RAPGEF1: variants seen among roughly 807,000 people sequenced by gnomAD.
RAPGEF1 encodes CRK SH3-binding GNRP.
A neutral mutation model predicts 143.3 loss-of-function variants in RAPGEF1; 33 were observed. That is an observed-to-expected ratio of 0.23 (90% CI 0.17 to 0.31). The LOEUF is 0.31. RAPGEF1 is among the 10% of genes least tolerant of loss of function. The probability of loss-of-function intolerance (pLI) is 1.00; values close to 1 mark genes in which losing one functional copy is unlikely to be tolerated. For synonymous variants in RAPGEF1, 629 were observed against 676.5 expected, an observed-to-expected ratio of 0.93 and a Z score of 1.09; for missense variants, 1,199 against 1,645.4, an observed-to-expected ratio of 0.73 and a Z score of 4.69.
intron 12 of RAPGEF1, among the ~76,000 whole-genome samples, chr9:131,606,247 G>C (rs1290852004): frequency 6.6e-6 from 1 of 152,190 alleles, no homozygotes; most frequent in African/African-American, 2.4e-5. Context: ...TGCTGAAGGA[G>C]GGACAGAGGT....
intron 1 of RAPGEF1, among the ~76,000 whole-genome samples, chr9:131,697,979 A>G (rs1037017374): frequency 1.3e-5 from 2 of 152,150 alleles, no homozygotes; most frequent in East Asian, 3.9e-4. Flanking sequence ...GTGAAGGGGA[A>G]CATGTGTGAC....
chr9:131,678,658 G>T (rs1164860165), intron 1 of RAPGEF1, among the ~76,000 whole-genome samples: 1 of 152,198 alleles, frequency 6.6e-6, no homozygotes, highest in Non-Finnish European at 1.5e-5. Context: ...AATGTTTGCA[G>T]CTCAGAGCGG....
In RAPGEF1 at chr9:131,729,514, G is replaced by A. The variant is rs868237477; in HGVS notation, c.61+10256C>T. 2.0e-5 allele frequency among the ~76,000 whole-genome samples: 3 copies of A among 152,346 alleles called. No individual in the cohort carries two copies. The South Asian group carries it at 6.2e-4, about 32-fold the overall frequency. ...CCAGGGGCTTCTTCATAAATCTGTA[G>A]GCAGATGTGGTGCCACCTTAACAGT... is the stretch of plus-strand genomic sequence containing the variant. On this transcript the variant is annotated intron_variant, in intron 1 of 26. Transcript: ENST00000683357.
intron 1 of RAPGEF1, among the ~76,000 whole-genome samples, chr9:131,714,704 CCTTTT>C (rs1835738198): frequency 9.3e-6 from 1 of 107,572 alleles, no homozygotes; most frequent in Non-Finnish European, 1.8e-5. Flanking sequence ...CTAGACTCTG[CCTTTT>C]TTTTTTTTTT....
At chr9:131,684,100 C>T (rs1833139176) in intron 1 of RAPGEF1, among the ~76,000 whole-genome samples, 1 of 152,250 alleles carries the variant, frequency 6.6e-6, no homozygotes, top group Admixed American at 6.5e-5. Flanking sequence ...TGGAAAGAAG[C>T]TAAAGCTATT....
chr9:131,588,075 G>C (rs770970168), intron 20 of RAPGEF1, 49 bp from the exon 21 acceptor site: 9 of 1,501,174 alleles, frequency 6.0e-6, no homozygotes, highest in Admixed American at 1.8e-5. Context: ...GGAGGCCGGT[G>C]GGGAGGGCTG....
At chr9:131,703,291 T>C (rs1218354703) in intron 1 of RAPGEF1, among the ~76,000 whole-genome samples, 2 of 152,254 alleles carry the variant, frequency 1.3e-5, no homozygotes, top group Non-Finnish European at 2.9e-5. Context: ...TGAGCCATCA[T>C]GCCCGGTCAT....
chr9:131,652,818 T>A (rs975121189), intron 1 of RAPGEF1, among the ~76,000 whole-genome samples: 1 of 152,176 alleles, frequency 6.6e-6, no homozygotes, highest in African/African-American at 2.4e-5. Flanking sequence ...GTAGAGTAAA[T>A]CCATAAACCA....
At chr9:131,683,864 T>C (rs1833116198) in intron 1 of RAPGEF1, among the ~76,000 whole-genome samples, 1 of 152,248 alleles carries the variant, frequency 6.6e-6, no homozygotes, top group African/African-American at 2.4e-5. Flanking sequence ...TTCATACAGA[T>C]GAACAACTGA....
chr9:131,700,291 C>T (rs572164018), intron 1 of RAPGEF1, among the ~76,000 whole-genome samples: 2 of 152,282 alleles, frequency 1.3e-5, no homozygotes, highest in South Asian at 2.1e-4. Flanking sequence ...TTTTCCGGAG[C>T]GCGCCTGCCC....
At chr9:131,695,363 C>T (rs374692610) in intron 1 of RAPGEF1, among the ~76,000 whole-genome samples, 2 of 152,146 alleles carry the variant, frequency 1.3e-5, no homozygotes, top group East Asian at 3.8e-4. Context: ...CAAAGCAGGC[C>T]ACACGATAGA....
At chr9:131,668,328 G>T (rs1220695295) in intron 1 of RAPGEF1, among the ~76,000 whole-genome samples, 1 of 152,140 alleles carries the variant, frequency 6.6e-6, no homozygotes, top group African/African-American at 2.4e-5. Flanking sequence ...CTTCCTCTCA[G>T]AAATTTTTAA....
Position 131,650,018 on chromosome 9 carries a change from C to A in RAPGEF1, c.315+111G>T. The A allele has an allele frequency of 1.2e-6, 1 of 830,170 alleles. No homozygotes were observed. The highest frequency in any genetic ancestry group is 1.9e-6 in the Non-Finnish European group (1 of 532,816). The allele number at this position is 830,170 out of a possible 1,614,324, so 51.4% of individuals were successfully genotyped here. A position where few individuals can be genotyped will look rare whatever the true frequency, so the allele number is the denominator to read the frequency against. On this transcript the variant is annotated intron_variant, in intron 3 of 26. Coordinates refer to ENST00000683357, the MANE Select transcript of RAPGEF1 (RefSeq NM_001377935.1). This position sits in a 1 kb window ranked among gnomAD's most constrained non-coding sequence, Gnocchi z 4.7. The stretch of plus-strand genomic sequence containing the variant: ...AACAATTCAGCCCACGGTCACCACC[C>A]AGTTGAACATAATAATAGTGCAATA...
rs550810208 is a variant in RAPGEF1 at position 131,675,868 on chromosome 9, G to T, written c.62-24919C>A. ...AGGTGCAAAGTCACAGCATGATTGGGAAACAGCCTGAACTCGAACTGCTCA... is the reference window on the plus strand; with the variant it reads ...AGGTGCAAAGTCACAGCATGATTGGTAAACAGCCTGAACTCGAACTGCTCA... On this transcript the variant is annotated intron_variant, in intron 1 of 26. Coordinates refer to ENST00000683357, the MANE Select transcript of RAPGEF1 (RefSeq NM_001377935.1). This position sits in a 1 kb window ranked among gnomAD's most constrained non-coding sequence, Gnocchi z 4.6. 6.6e-6 allele frequency among the ~76,000 whole-genome samples: 1 copy of T among 152,164 alleles called. No individual in the cohort carries two copies. Among genetic ancestry groups the T allele is most frequent in the African/African-American group, 2.4e-5 (1 of 41,526 alleles).
intron 3 of RAPGEF1, among the ~76,000 whole-genome samples, chr9:131,645,393 C>G (rs1455770049): frequency 6.6e-6 from 1 of 152,202 alleles, no homozygotes; most frequent in East Asian, 1.9e-4. Flanking sequence ...AGTGGCTAAT[C>G]TGAAGATGGG....
intron 22 of RAPGEF1, among the ~76,000 whole-genome samples, chr9:131,586,484 TCAAACACA>T (rs1477111762): frequency 2.6e-5 from 1 of 39,194 alleles, no homozygotes; most frequent in Non-Finnish European, 4.5e-5. Context: ...AGACTCCGTC[TCAAACACA>T]CACACACACA....
At chr9:131,588,233 T>G (rs1953530766) in intron 20 of RAPGEF1, among the ~76,000 whole-genome samples, 1 of 152,214 alleles carries the variant, frequency 6.6e-6, no homozygotes, top group Non-Finnish European at 1.5e-5. Context: ...TGCCTTTCTC[T>G]CCTGCTTCTG....
intron 4 of RAPGEF1, among the ~76,000 whole-genome samples, chr9:131,640,194 G>A (rs983331476): frequency 6.6e-6 from 1 of 152,262 alleles, no homozygotes; most frequent in Non-Finnish European, 1.5e-5. Flanking sequence ...ATCTGATCCT[G>A]CAGGGGAATG....
At chr9:131,613,131 CAT>C (rs1564524318) in intron 12 of RAPGEF1, among the ~76,000 whole-genome samples, 1 of 152,224 alleles carries the variant, frequency 6.6e-6, no homozygotes, top group Non-Finnish European at 1.5e-5. Context: ...TCACGTACTA[CAT>C]GTGTGCTTTT....
Sources: gnomAD v4.1 joint callset for allele counts (sites outside exome capture counted in the v4.1 genomes callset) on GRCh38, gnomAD v4.1.1 for gene constraint, Gnocchi (gnomAD v3.1) non-coding constraint, MANE v1.5 for transcripts, NCBI Gene and HGNC (gene_info 2026-07-23, HGNC 2026-07-21) for gene names.